PCDH9: variants seen among roughly 807,000 people sequenced by gnomAD.
PCDH9 encodes the protein protocadherin 9.
A neutral mutation model predicts 70.6 loss-of-function variants in PCDH9; 24 were observed. The observed-to-expected ratio is 0.34, with a 90% CI of 0.25 to 0.48. The LOEUF (loss-of-function observed/expected upper bound fraction) is 0.48, where lower values mean the gene tolerates loss of function less well. Ranked by LOEUF, PCDH9 falls within the 20% of genes least tolerant of loss-of-function variation. The pLI is 0.99. For missense variants in PCDH9, 1,281 were observed against 1,503.6 expected, an observed-to-expected ratio of 0.85 and a Z score of 2.45; for synonymous variants, 562 against 558.5, an observed-to-expected ratio of 1.01 and a Z score of -0.09.
chr13:66,576,904 ATATT>A (rs1196022284), intron 4 of PCDH9, among the ~76,000 whole-genome samples: 4 of 152,204 alleles, frequency 2.6e-5, no homozygotes, highest in Middle Eastern at 3.4e-3. Flanking sequence ...TCAGTGCAGT[ATATT>A]TATTTTTATT....
intron 4 of PCDH9, among the ~76,000 whole-genome samples, chr13:66,530,793 G>A (rs1960417121): frequency 6.6e-6 from 1 of 152,026 alleles, no homozygotes; most frequent in African/African-American, 2.4e-5. Flanking sequence ...GATGTTGGTT[G>A]CATTATAATT....
intron 4 of PCDH9, among the ~76,000 whole-genome samples, chr13:66,607,786 A>G (rs1052393975): frequency 6.6e-6 from 1 of 152,124 alleles, no homozygotes; most frequent in African/African-American, 2.4e-5. Flanking sequence ...TGCATGTTTA[A>G]ATTATAATGA....
At chr13:67,139,808 ATT>A (rs1203544337) in intron 2 of PCDH9, among the ~76,000 whole-genome samples, 1 of 152,158 alleles carries the variant, frequency 6.6e-6, no homozygotes, top group East Asian at 1.9e-4. Flanking sequence ...TTATGTTTTC[ATT>A]AAGTCCAAAG....
At chr13:67,094,910 C>A (rs1490866685) in intron 2 of PCDH9, among the ~76,000 whole-genome samples, 1 of 152,094 alleles carries the variant, frequency 6.6e-6, no homozygotes, top group Non-Finnish European at 1.5e-5. Context: ...TCTGGCCAAA[C>A]TCTCCAACAG....
chr13:67,173,532 CAAG>C lies in PCDH9; in HGVS notation c.3036+51870_3036+51872del, dbSNP rs1333865628. ...CTGTGGCCTCACTGCAGGAGTTTCA[CAAG>C]ATGGAAAATTCACTTAGGCTACCTG... On this transcript the variant is annotated intron_variant, in intron 2 of 4. Coordinates refer to ENST00000377865, the MANE Select transcript of PCDH9 (RefSeq NM_203487.3). Among the ~76,000 whole-genome samples, 5 of 152,088 alleles carry C rather than the reference CAAG, an allele frequency of 3.3e-5. No individual in the cohort carries two copies. The East Asian group carries it at 9.6e-4, about 29-fold the overall frequency.
intron 3 of PCDH9, among the ~76,000 whole-genome samples, chr13:66,764,892 C>T (rs1051483354): frequency 1.3e-5 from 2 of 152,012 alleles, no homozygotes; most frequent in African/African-American, 2.4e-5. Context: ...TACATCATAT[C>T]GATTTTTTGA....
At chr13:67,043,351 C>G (rs770467973) in intron 2 of PCDH9, among the ~76,000 whole-genome samples, 1 of 151,758 alleles carries the variant, frequency 6.6e-6, no homozygotes, top group African/African-American at 2.4e-5. Flanking sequence ...AGTCGATATA[C>G]GAGGATTGTA....
At chr13:66,448,563 T>A (rs1958143208) in intron 4 of PCDH9, among the ~76,000 whole-genome samples, 3 of 152,352 alleles carry the variant, frequency 2.0e-5, no homozygotes, top group South Asian at 4.1e-4. Flanking sequence ...TGAAATTCCA[T>A]ATACAGACCT....
chr13:66,667,883 G>T (rs2078117850), intron 3 of PCDH9, among the ~76,000 whole-genome samples: 1 of 152,024 alleles, frequency 6.6e-6, no homozygotes, highest in Non-Finnish European at 1.5e-5. Flanking sequence ...AAGTAGTGGG[G>T]AAAAAACCTG....
chr13:66,849,509 T>TAGAGAGAGAGAGAGAG (rs71766427), intron 3 of PCDH9, among the ~76,000 whole-genome samples: 1 of 86,686 alleles, frequency 1.2e-5, no homozygotes, highest in African/African-American at 5.5e-5. Context: ...TATATATATA[T>TAGAGAGAGAGAGAGAG]ATATATATAG....
chr13:67,218,902 G>A (rs1321044790), intron 2 of PCDH9: 1 of 151,948 alleles, frequency 6.6e-6, no homozygotes, highest in Non-Finnish European at 1.5e-5. Context: ...CGTGATATGT[G>A]CTTATGGCAC....
At chr13:66,891,442 A>C (rs942486498) in intron 3 of PCDH9, among the ~76,000 whole-genome samples, 2 of 152,100 alleles carry the variant, frequency 1.3e-5, no homozygotes, top group African/African-American at 4.8e-5. Context: ...ATCCTGTGAA[A>C]TTTTGGAAAA....
intron 2 of PCDH9, among the ~76,000 whole-genome samples, chr13:67,036,050 C>G (rs1025112389): frequency 5.9e-5 from 9 of 152,114 alleles, no homozygotes; most frequent in African/African-American, 2.2e-4. Flanking sequence ...AAAATGATTA[C>G]TCATGTCAGT....
chr13:66,841,102 C>CA (rs1426891933), intron 3 of PCDH9, among the ~76,000 whole-genome samples: 1 of 151,876 alleles, frequency 6.6e-6, no homozygotes, highest in Non-Finnish European at 1.5e-5. Flanking sequence ...ATTTATTTTT[C>CA]AAAAAATAAA....
intron 3 of PCDH9, among the ~76,000 whole-genome samples, chr13:66,705,977 T>C (rs1937829229): frequency 6.6e-6 from 1 of 152,188 alleles, no homozygotes; most frequent in African/African-American, 2.4e-5. Flanking sequence ...TCATCAGCTA[T>C]TGATCACAAC....
At chr13:66,461,129 C>T (rs569874957) in intron 4 of PCDH9, among the ~76,000 whole-genome samples, 87 of 151,742 alleles carry the variant, frequency 5.7e-4, no homozygotes, top group African/African-American at 1.9e-3. Context: ...ATAAATTAAT[C>T]GGGAGTCAGT....
chr13:66,431,271 A>G (rs1381590176), intron 4 of PCDH9, among the ~76,000 whole-genome samples: 1 of 152,036 alleles, frequency 6.6e-6, no homozygotes, highest in African/African-American at 2.4e-5. Flanking sequence ...TCTATGTGTA[A>G]GAAATAATAC....
At chr13:66,420,294 G>C (rs1031186942) in intron 4 of PCDH9, among the ~76,000 whole-genome samples, 2 of 152,184 alleles carry the variant, frequency 1.3e-5, no homozygotes, top group African/African-American at 4.8e-5. Context: ...GAGAGCAGCG[G>C]ATCTCCCAAC....
At chr13:66,407,155 C>T (rs1957293851) in intron 4 of PCDH9, among the ~76,000 whole-genome samples, 2 of 152,170 alleles carry the variant, frequency 1.3e-5, no homozygotes, top group Non-Finnish European at 2.9e-5. Context: ...CATCATTTCT[C>T]CTCGGAGATG....
Sources: allele counts gnomAD v4.1 joint callset (sites outside exome capture counted in the v4.1 genomes callset), GRCh38; gene constraint gnomAD v4.1.1; transcripts MANE v1.5; gene names NCBI Gene and HGNC (gene_info 2026-07-23, HGNC 2026-07-21).